Variants in TTC21A observed in about 807,000 individuals in gnomAD.
TTC21A encodes the protein tetratricopeptide repeat domain 21A, also known as tetratricopeptide repeat protein 21A.
Under a neutral mutation model 156.4 loss-of-function variants are expected in TTC21A, and 128 were observed. That is an observed-to-expected ratio of 0.82 (90% confidence interval 0.71 to 0.95). The LOEUF (loss-of-function observed/expected upper bound fraction) is 0.95, where lower values mean the gene tolerates loss of function less well. Among genes scored for constraint, TTC21A ranks in the 40% least tolerant of loss-of-function variants. TTC21A has a pLI of 0.00. For synonymous variants in TTC21A, 587 were observed against 617.1 expected, an observed-to-expected ratio of 0.95 and a Z score of 0.72; for missense variants, 1,435 against 1,602.3, an observed-to-expected ratio of 0.90 and a Z score of 1.78.
rs556685398 is a variant in TTC21A, at chr3:39,120,998, G to A, written c.902G>A (p.Cys301Tyr). 126 of 1,602,886 alleles carry A rather than the reference G, an allele frequency of 7.9e-5. 1 individual carries two copies. The South Asian group carries it at 1.3e-3, about 16-fold the overall frequency. ...LKKIIVVSRLCGSHQVILGLV... is the reference protein window; with the variant it reads ...LKKIIVVSRLYGSHQVILGLV... ...TTCCCACCTTCCTGTTTCTTGCAGT[G>A]TGGGAGTCACCAGGTGATTCTAGGG... The change falls in exon 9 of 29, where the codon TGT becomes TAT. Residue 301 changes from cysteine (C) to tyrosine (Y), a missense_variant and splice_region_variant. By Grantham distance (194) the Cys-to-Tyr change is radical. Coordinates refer to ENST00000683103, the MANE Select transcript of TTC21A (RefSeq NM_001366900.1).
At chr3:39,133,380 C>T in intron 20 of TTC21A, 140 bp downstream of exon 20, 1 of 830,160 alleles carries the variant, frequency 1.2e-6, no homozygotes, top group Non-Finnish European at 1.8e-6. Context: ...GGGAGGCCAG[C>T]TAGCAGTGGC....
chr3:39,126,044 A>G (rs1477460272), intron 11 of TTC21A, among the ~76,000 whole-genome samples: 11 of 152,216 alleles, frequency 7.2e-5, no homozygotes, highest in Admixed American at 2.0e-4. Flanking sequence ...GCATTACTAC[A>G]TGCCAGATAC....
chr3:39,120,957 C>A, intron 8 of TTC21A, 40 bp from the exon 9 acceptor site: 1 of 1,553,802 alleles, frequency 6.4e-7, no homozygotes, highest in Non-Finnish European at 8.8e-7. Flanking sequence ...ACAGGCTGGA[C>A]TGACTGGTTT....
intron 12 of TTC21A, 84 bp downstream of exon 12, chr3:39,126,474 CTACACA>C: frequency 4.2e-5 from 34 of 815,580 alleles, no homozygotes; most frequent in Non-Finnish European, 4.7e-5. Context: ...GCCTAGGATA[CTACACA>C]CACACACACA....
chr3:39,111,951 G>A (rs1482779756), intron 4 of TTC21A, among the ~76,000 whole-genome samples: 4 of 152,172 alleles, frequency 2.6e-5, no homozygotes, highest in Admixed American at 1.3e-4. Flanking sequence ...TGGAACCAGC[G>A]AGGTCCACGA....
Position 39,119,994 on chromosome 3 carries a change from A to T in TTC21A, c.874A>T (p.Lys292Ter). 1 of 1,606,244 alleles carries T rather than the reference A, an allele frequency of 6.2e-7. No individual in the cohort carries two copies. ...ACCCGAAAATCCAAGCCTCCATCTTAAAAAAATTATTGTGGTTAGCCGACT... is the reference window on the plus strand; with the variant it reads ...ACCCGAAAATCCAAGCCTCCATCTTTAAAAAATTATTGTGGTTAGCCGACT... Reference protein sequence around the residue: ...REPENPSLHLKKIIVVSRLCG... With the variant: ...REPENPSLHL The change falls in exon 8 of 29, where the codon AAA (lysine) becomes TAA (stop). Residue 292 changes from lysine to a stop codon, truncating the protein, a stop_gained. Transcript: ENST00000683103. LOFTEE classifies it high-confidence loss of function.
At chr3:39,111,485 C>A (rs12106922) in intron 4 of TTC21A, among the ~76,000 whole-genome samples, 11,451 of 152,178 alleles carry the variant, frequency 0.075, 629 homozygotes, top group African/African-American at 0.15. Flanking sequence ...TGGGCCATTC[C>A]CTCCCTGTAA....
intron 5 of TTC21A, 109 bp downstream of exon 5, chr3:39,112,689 C>A: frequency 6.7e-7 from 1 of 1,491,362 alleles, no homozygotes; most frequent in Non-Finnish European, 9.0e-7. Flanking sequence ...GATGCCTCAT[C>A]TCGTAGATAA....
At position 39,133,249 on chromosome 3, in the gene TTC21A, C is replaced by T; in HGVS notation, c.2751+9C>T. On this transcript the variant is annotated intron_variant, in intron 20 of 28. Transcript: ENST00000683103. Reference sequence around the variant, plus strand: ...TGCCAACTGACAATAAGGTGAGTGGCCCTCAAAGCAAGAGGCTGCTTTCTC... The same window carrying T: ...TGCCAACTGACAATAAGGTGAGTGGTCCTCAAAGCAAGAGGCTGCTTTCTC... 2 of 1,610,008 alleles carry T rather than the reference C, an allele frequency of 1.2e-6. No individual in the cohort carries two copies. The highest frequency in any genetic ancestry group is 1.1e-5 in the South Asian group (1 of 90,888).
rs761906461 is a variant in TTC21A, at chr3:39,119,931, C to A, written c.811C>A (p.His271Asn). The A allele has an allele frequency of 3.7e-6, 6 of 1,604,586 alleles. No homozygotes were observed. The highest frequency in any genetic ancestry group is 1.7e-5 in the Admixed American group (1 of 59,830). Residue 271 changes from histidine to asparagine, a missense_variant, in exon 8 of 29, where the codon CAC (histidine) becomes AAC (asparagine). Transcript: ENST00000683103. The stretch of plus-strand genomic sequence containing the variant: ...TGTTTTGTCCCTGCAGGCTACCAAT[C>A]ACGTTAGAAATCTGATTAAGGCACT... ...REGNMTTATN[H>N]VRNLIKALET... is the part of the protein sequence containing the mutation.
In TTC21A at chr3:39,107,798, G is replaced by T. The variant is rs2036325624; in HGVS notation, c.-40G>T. On this transcript the variant is annotated 5_prime_UTR_variant, in exon 1 of 29. Transcript: ENST00000683103. ...TGCCTCGGGAATCCCGCTCTGCACC[G>T]CCCCACCAGACCCGGACTCGGAGCC... The T allele has an allele frequency of 1.2e-6, 2 of 1,611,758 alleles. No individual in the cohort carries two copies. The highest frequency in any genetic ancestry group is 1.7e-6 in the Non-Finnish European group (2 of 1,179,856).
intron 9 of TTC21A, among the ~76,000 whole-genome samples, chr3:39,123,855 A>C (rs899301860): frequency 2.0e-5 from 3 of 152,056 alleles, no homozygotes; most frequent in Non-Finnish European, 4.4e-5. Flanking sequence ...CACCCCCCCC[A>C]AAAAAACCAG....
chr3:39,117,077 A>C (rs1050941784), intron 6 of TTC21A, among the ~76,000 whole-genome samples: 2 of 152,190 alleles, frequency 1.3e-5, no homozygotes, highest in African/African-American at 2.4e-5. Flanking sequence ...TAAGCATTGA[A>C]GTCTGTGCGT....
intron 24 of TTC21A, 50 bp downstream of exon 24, chr3:39,137,110 C>A: frequency 6.2e-7 from 1 of 1,602,650 alleles, no homozygotes; most frequent in Non-Finnish European, 8.5e-7. Flanking sequence ...TTACAGAAAG[C>A]CTGCAACCTC....
At chr3:39,116,717 G>A (rs980008121) in intron 6 of TTC21A, among the ~76,000 whole-genome samples, 1 of 152,042 alleles carries the variant, frequency 6.6e-6, no homozygotes. Context: ...TGATATTCTT[G>A]CCTCGGCTTC....
At chr3:39,126,155 T>C in intron 11 of TTC21A, 106 bp from the exon 12 acceptor site, 1 of 1,390,970 alleles carries the variant, frequency 7.2e-7, no homozygotes, top group Non-Finnish European at 1.0e-6. Flanking sequence ...TAAATAAGTG[T>C]GGAATGAAGC....
At chr3:39,119,079 C>T (rs2037523703) in intron 7 of TTC21A, 2 of 152,174 alleles carry the variant, frequency 1.3e-5, no homozygotes, top group African/African-American at 4.8e-5. Context: ...AAAGTTAATC[C>T]CAGGGGCAGA....
At chr3:39,132,228 C>T (rs1263223392) in intron 19 of TTC21A, among the ~76,000 whole-genome samples, 1 of 152,174 alleles carries the variant, frequency 6.6e-6, no homozygotes, top group Non-Finnish European at 1.5e-5. Context: ...AAGGGACCAG[C>T]ATCGTATATG....
At chr3:39,125,270 C>T (rs1218104654) in intron 10 of TTC21A, 62 bp from the exon 11 acceptor site, 1 of 1,575,978 alleles carries the variant, frequency 6.3e-7, no homozygotes, top group East Asian at 2.2e-5. Flanking sequence ...TTCACTTTGC[C>T]CTTGCCTACC....
Sources: gnomAD v4.1 joint callset for allele counts (sites outside exome capture counted in the v4.1 genomes callset) on GRCh38, gnomAD v4.1.1 for gene constraint, MANE v1.5 for transcripts, NCBI Gene and HGNC (gene_info 2026-07-23, HGNC 2026-07-21) for gene names.